The following ZSCAN32 variants were observed in gnomAD, a reference collection of about 807,000 sequenced individuals.
ZSCAN32 encodes zinc finger and SCAN domain containing 32.
A neutral mutation model predicts 47.4 loss-of-function variants in ZSCAN32; 52 were observed. The observed-to-expected ratio is 1.10, with a 90% confidence interval of 0.88 to 1.38. The LOEUF is 1.38. ZSCAN32 is among the 40% of genes most tolerant of loss of function. The pLI is 0.00. For synonymous variants in ZSCAN32, 346 were observed against 305.7 expected, an observed-to-expected ratio of 1.13 and a Z score of -1.38; for missense variants, 959 against 846.0, an observed-to-expected ratio of 1.13 and a Z score of -1.66.
chr16:3,397,018 C>T (rs2033429214), intron 2 of ZSCAN32, among the ~76,000 whole-genome samples, 174 bp downstream of exon 2: 1 of 152,176 alleles, frequency 6.6e-6, no homozygotes. Flanking sequence ...GCTGTATCCA[C>T]AGATGAGAAA....
chr16:3,383,550 T>C lies in ZSCAN32; in HGVS notation c.1396A>G (p.Arg466Gly), dbSNP rs762707154. ...TCCTCACTCTCCCCTGGAGAATTTC[T>C]ACATTGCCTTCTTGATGTTGGCTCA... Reference protein sequence around the residue: ...ESEPTSRRQCRNSPGESEEKT... With the variant: ...ESEPTSRRQCGNSPGESEEKT... The change falls in exon 7 of 7, where the codon AGA (arginine) becomes GGA (glycine). Residue 466 changes from arginine (R) to glycine (G), a missense_variant. By Grantham distance (125) the Arg-to-Gly change is moderately radical. Transcript: ENST00000396852. The C allele has an allele frequency of 6.2e-7, 1 of 1,614,188 alleles. No individual in the cohort carries two copies. Among genetic ancestry groups the C allele is most frequent in the Non-Finnish European group, 8.5e-7 (1 of 1,180,050 alleles).
At chr16:3,383,815 T>A in intron 6 of ZSCAN32, 104 bp from the exon 7 acceptor site, 8 of 1,217,354 alleles carry the variant, frequency 6.6e-6, no homozygotes, top group Non-Finnish European at 8.7e-6. Flanking sequence ...CTAATTGAAA[T>A]TCTTCATGTG....
intron 1 of ZSCAN32, among the ~76,000 whole-genome samples, chr16:3,400,392 TGAA>T (rs2033778277): frequency 2.0e-5 from 3 of 152,318 alleles, no homozygotes; most frequent in Admixed American, 6.5e-5. Flanking sequence ...CTTACCTGGC[TGAA>T]GAAGAATTTA....
intron 5 of ZSCAN32, among the ~76,000 whole-genome samples, chr16:3,388,186 G>C (rs1345801839): frequency 6.6e-6 from 1 of 152,210 alleles, no homozygotes; most frequent in Non-Finnish European, 1.5e-5. Flanking sequence ...GCACTCATTT[G>C]ATCTGGCTTT....
chr16:3,397,827 C>A, intron 1 of ZSCAN32, 83 bp from the exon 2 acceptor site: 18 of 278,730 alleles, frequency 6.5e-5, no homozygotes, highest in South Asian at 5.3e-4. Flanking sequence ...TATCCCTTTC[C>A]TTTACTCCCT....
chr16:3,383,554 T>C lies in ZSCAN32; in HGVS notation c.1392A>G (p.Gln464=). The change falls in exon 7 of 7, where the codon CAA becomes CAG. Residue 464 remains glutamine (Q), a synonymous_variant. Coordinates refer to ENST00000396852, the MANE Select transcript of ZSCAN32 (RefSeq NM_001284527.2). ...GLESEPTSRR[Q]CRNSPGESEE... ...CACTCTCCCCTGGAGAATTTCTACA[T>C]TGCCTTCTTGATGTTGGCTCACTCT... is the stretch of plus-strand genomic sequence containing the variant. 1.2e-6 allele frequency: 2 copies of C among 1,614,134 alleles called. No homozygotes were observed. Among genetic ancestry groups the C allele is most frequent in the Non-Finnish European group, 1.7e-6 (2 of 1,180,032 alleles).
intron 5 of ZSCAN32, among the ~76,000 whole-genome samples, chr16:3,385,208 C>T (rs1442073520): frequency 6.6e-6 from 1 of 152,082 alleles, no homozygotes; most frequent in African/African-American, 2.4e-5. Context: ...TGCCTGTAGT[C>T]CCAGCTACTC....
At chr16:3,400,590 G>C (rs2033800406) in intron 1 of ZSCAN32, among the ~76,000 whole-genome samples, 1 of 152,214 alleles carries the variant, frequency 6.6e-6, no homozygotes, top group Non-Finnish European at 1.5e-5. Context: ...CAGGTTGATA[G>C]GTTTTTCACT....
chr16:3,385,524 C>T (rs1005436135), intron 5 of ZSCAN32, among the ~76,000 whole-genome samples: 59 of 152,232 alleles, frequency 3.9e-4, no homozygotes, highest in Non-Finnish European at 6.8e-4. Context: ...GGAGGCATCA[C>T]GCTACCTGAC....
intron 6 of ZSCAN32, chr16:3,383,952 A>G (rs991103652): frequency 2.0e-6 from 1 of 509,438 alleles, no homozygotes; most frequent in African/African-American, 1.9e-5. Flanking sequence ...ATGTTCTGAC[A>G]CAATGACAAA....
chr16:3,383,418 G>GA lies in ZSCAN32; in HGVS notation c.1527dup (p.Pro510SerfsTer16). Reference sequence around the variant, plus strand: ...TCCAGTTTGAGCGCTGGCTTGTGGGGAGAGTGCACACTCTGAGAGCAGTTT... The same window carrying GA: ...TCCAGTTTGAGCGCTGGCTTGTGGGGAAGAGTGCACACTCTGAGAGCAGTTT... On this transcript the variant is annotated frameshift_variant, in exon 7 of 7. Coordinates refer to ENST00000396852, the MANE Select transcript of ZSCAN32 (RefSeq NM_001284527.2). LOFTEE classifies it low-confidence loss of function (END_TRUNC). 1 of 1,614,068 alleles carries GA rather than the reference G, an allele frequency of 6.2e-7. No individual in the cohort carries two copies.
chr16:3,397,070 C>T, intron 2 of ZSCAN32, 122 bp downstream of exon 2: 1 of 1,295,806 alleles, frequency 7.7e-7, no homozygotes, highest in Non-Finnish European at 1.0e-6. Flanking sequence ...TCCAAGACAG[C>T]CAAGACCTTC....
chr16:3,394,533 G>A (rs1384941436), intron 2 of ZSCAN32, among the ~76,000 whole-genome samples: 1 of 152,064 alleles, frequency 6.6e-6, no homozygotes, highest in African/African-American at 2.4e-5. Flanking sequence ...GACACTATCT[G>A]CTGTCTGCAT....
In ZSCAN32 at chr16:3,397,523, G is replaced by A. The variant is rs1567328725; in HGVS notation, c.35C>T (p.Pro12Leu). The A allele has an allele frequency of 6.5e-7, 1 of 1,549,536 alleles. No homozygotes were observed. The highest frequency in any genetic ancestry group is 8.7e-7 in the Non-Finnish European group (1 of 1,146,264). ...MAAVKSTEAH[P>L]SSNKDPTQGQ... ...CTGTGTGGGATCCTTGTTTGAGGAT[G>A]GGTGTGCCTCGGTACTCTTCACTGC... Residue 12 changes from proline to leucine, a missense_variant, in exon 2 of 7, where the codon CCA becomes CTA. Transcript: ENST00000396852.
chr16:3,390,520 G>C lies in ZSCAN32; in HGVS notation c.533-3C>G. The C allele has an allele frequency of 1.3e-6, 2 of 1,547,848 alleles. No individual in the cohort carries two copies. Among genetic ancestry groups the C allele is most frequent in the Non-Finnish European group, 1.7e-6 (2 of 1,146,418 alleles). ...GGGAGCCTGAGGAGCAAGCCAGGCT[G>C]GGGGAAAAAACAGCCGCTATTAGAG... On this transcript the variant is annotated splice_region_variant and splice_polypyrimidine_tract_variant and intron_variant, in intron 3 of 6. Coordinates refer to ENST00000396852, the MANE Select transcript of ZSCAN32 (RefSeq NM_001284527.2).
chr16:3,399,023 C>G (rs1443625867), intron 1 of ZSCAN32, among the ~76,000 whole-genome samples: 1 of 152,248 alleles, frequency 6.6e-6, no homozygotes, highest in East Asian at 1.9e-4. Flanking sequence ...GAGATCTAGA[C>G]CATCCTGGCT....
At chr16:3,383,908 C>A in intron 6 of ZSCAN32, 197 bp from the exon 7 acceptor site, 1 of 646,454 alleles carries the variant, frequency 1.5e-6, no homozygotes, top group South Asian at 2.6e-5. Flanking sequence ...AAAATTATGC[C>A]CTAAACTCCA....
intron 2 of ZSCAN32, among the ~76,000 whole-genome samples, chr16:3,394,063 G>A (rs1286729180): frequency 6.6e-6 from 1 of 152,122 alleles, no homozygotes; most frequent in Non-Finnish European, 1.5e-5. Context: ...AGGAGTTCAA[G>A]GCCAGCCTGG....
intron 5 of ZSCAN32, among the ~76,000 whole-genome samples, 166 bp downstream of exon 5, chr16:3,389,844 C>A (rs544698297): frequency 6.6e-6 from 1 of 152,272 alleles, no homozygotes; most frequent in South Asian, 2.1e-4. Flanking sequence ...TTCTTTTGAT[C>A]TCTGCCTGTG....
Sources: gnomAD v4.1 joint callset for allele counts (sites outside exome capture counted in the v4.1 genomes callset) on GRCh38, gnomAD v4.1.1 for gene constraint, MANE v1.5 for transcripts, NCBI Gene and HGNC (gene_info 2026-07-23, HGNC 2026-07-21) for gene names.